Variants in ODAD2 observed in about 807,000 individuals in gnomAD.
ODAD2 encodes the protein outer dynein arm-docking complex subunit 2.
In ODAD2, 89 loss-of-function variants were observed where a neutral mutation model predicts 106.8. The observed-to-expected ratio is 0.83, with a 90% CI of 0.70 to 0.99. The LOEUF (loss-of-function observed/expected upper bound fraction) is 0.99, where lower values mean the gene tolerates loss of function less well. Ranked by LOEUF, ODAD2 falls within the 50% of genes least tolerant of loss-of-function variation. ODAD2 has a pLI of 0.00. For synonymous variants in ODAD2, 404 were observed against 436.2 expected (o/e 0.93, Z 0.92); for missense variants, 1,168 against 1,238.5 (o/e 0.94, Z 0.85).
At chr10:27,869,797 AG>A (rs1263100814) in intron 17 of ODAD2, among the ~76,000 whole-genome samples, 2 of 152,064 alleles carry the variant, frequency 1.3e-5, no homozygotes, top group Non-Finnish European at 2.9e-5. Flanking sequence ...GGCCTCCCAA[AG>A]AGCTAGGATT....
chr10:27,933,926 T>C (rs186555752), intron 16 of ODAD2, among the ~76,000 whole-genome samples: 63 of 152,276 alleles, frequency 4.1e-4, no homozygotes, highest in Non-Finnish European at 7.2e-4. Context: ...AGCCCCCTGA[T>C]AGGATTTTGC....
chr10:27,989,337 G>A (rs1024457174), intron 2 of ODAD2, among the ~76,000 whole-genome samples: 1 of 152,158 alleles, frequency 6.6e-6, no homozygotes, highest in African/African-American at 2.4e-5. Context: ...AAGACATTTA[G>A]TAAACATCTG....
At chr10:27,853,681 A>G (rs1256856647) in intron 19 of ODAD2, among the ~76,000 whole-genome samples, 2 of 152,186 alleles carry the variant, frequency 1.3e-5, no homozygotes, top group African/African-American at 4.8e-5. Context: ...AAGAGCAAAC[A>G]GTTTTTTCAA....
At chr10:27,923,551 A>G (rs1213647830) in intron 16 of ODAD2, among the ~76,000 whole-genome samples, 1 of 152,210 alleles carries the variant, frequency 6.6e-6, no homozygotes. Flanking sequence ...CAGTTACAGC[A>G]TAAGACAGAT....
chr10:27,827,391 A>AC lies in ODAD2; in HGVS notation c.3022-14767_3022-14766insG, dbSNP rs372790241. Among the ~76,000 whole-genome samples the AC allele has an allele frequency of 0.019, 2,761 of 141,874 alleles. 161 individuals carry two copies. The East Asian group carries it at 0.2, about 10-fold the overall frequency. The allele number at this position is 141,874 out of a possible 152,430, so 93.1% of individuals were successfully genotyped here. A position where few individuals can be genotyped will look rare whatever the true frequency, so the allele number is the denominator to read the frequency against. On this transcript the variant is annotated intron_variant, in intron 19 of 19. Coordinates refer to ENST00000305242, the MANE Select transcript of ODAD2 (RefSeq NM_018076.5). Reference sequence around the variant, plus strand: ...ACACACACACACACTATATATATATATATATATATATATATATATATTCCA... The same window carrying AC: ...ACACACACACACACTATATATATATACTATATATATATATATATATATTCCA...
intron 17 of ODAD2, among the ~76,000 whole-genome samples, chr10:27,871,652 G>T (rs1427525785): frequency 1.3e-5 from 2 of 152,152 alleles, no homozygotes; most frequent in Non-Finnish European, 2.9e-5. Flanking sequence ...GTTTGTCAAA[G>T]ATCAGATGGT....
At position 27,899,788 on chromosome 10, in the gene ODAD2, C is replaced by T. The variant is rs143596323; in HGVS notation, c.2610+7875G>A. On this transcript the variant is annotated intron_variant, in intron 17 of 19. Coordinates refer to ENST00000305242, the MANE Select transcript of ODAD2 (RefSeq NM_018076.5). The stretch of plus-strand genomic sequence containing the variant: ...GATTCCTCCTCTCTGGGCAGGGCAT[C>T]TCTGAAAGAAAGGAAGCAGCTCCAG... Among the ~76,000 whole-genome samples, 72 of 152,310 alleles carry T rather than the reference C, an allele frequency of 4.7e-4. No individual in the cohort carries two copies. The East Asian group carries it at 0.012, about 25-fold the overall frequency.
At chr10:27,827,144 G>A (rs192237388) in intron 19 of ODAD2, among the ~76,000 whole-genome samples, 93 of 152,002 alleles carry the variant, frequency 6.1e-4, no homozygotes, top group African/African-American at 2.2e-3. Flanking sequence ...TTTCCTGATT[G>A]TTTGTTAGTA....
At chr10:27,821,178 T>A (rs1836579376) in intron 19 of ODAD2, among the ~76,000 whole-genome samples, 2 of 152,182 alleles carry the variant, frequency 1.3e-5, no homozygotes, top group African/African-American at 4.8e-5. Context: ...CAATCAAGGG[T>A]GTAGAATTGG....
intron 19 of ODAD2, among the ~76,000 whole-genome samples, chr10:27,847,433 A>G (rs4749268): frequency 0.6 from 90,427 of 151,926 alleles, 27,263 homozygotes; most frequent in Middle Eastern, 0.7. Context: ...TCAAAATAAT[A>G]AGAGCTATTT....
intron 4 of ODAD2, among the ~76,000 whole-genome samples, chr10:27,984,666 T>G (rs1317696386): frequency 6.6e-6 from 1 of 152,166 alleles, no homozygotes; most frequent in Non-Finnish European, 1.5e-5. Context: ...GTCTTCAGAA[T>G]TGCATGAAAC....
chr10:27,951,454 G>C (rs1847319383), intron 10 of ODAD2, among the ~76,000 whole-genome samples: 1 of 152,162 alleles, frequency 6.6e-6, no homozygotes, highest in African/African-American at 2.4e-5. Context: ...TCTCACGTGT[G>C]AGACTGCAGA....
chr10:27,838,229 T>A (rs962377961), intron 19 of ODAD2, among the ~76,000 whole-genome samples: 12 of 152,202 alleles, frequency 7.9e-5, no homozygotes, highest in Non-Finnish European at 1.5e-4. Flanking sequence ...AACTACTTAC[T>A]CATGAAGTCT....
intron 17 of ODAD2, among the ~76,000 whole-genome samples, chr10:27,881,481 T>A (rs540987126): frequency 2.0e-5 from 3 of 150,852 alleles, no homozygotes; most frequent in South Asian, 2.1e-4. Context: ...AAAAAAAAAA[T>A]TAAAAATTAA....
chr10:27,849,764 G>GA (rs1360185757), intron 19 of ODAD2, among the ~76,000 whole-genome samples: 1 of 152,126 alleles, frequency 6.6e-6, no homozygotes, highest in South Asian at 2.1e-4. Context: ...AAATAAATGT[G>GA]AAAAAATAGT....
At chr10:27,945,817 A>G (rs1846874775) in intron 10 of ODAD2, among the ~76,000 whole-genome samples, 1 of 152,002 alleles carries the variant, frequency 6.6e-6, no homozygotes, top group African/African-American at 2.4e-5. Flanking sequence ...GCTGGCTGAT[A>G]AGAGTTCTGG....
At chr10:27,906,212 A>ACACTTCT (rs755282563) in intron 17 of ODAD2, among the ~76,000 whole-genome samples, 147 of 152,348 alleles carry the variant, frequency 9.6e-4, no homozygotes, top group Non-Finnish European at 1.9e-3. Flanking sequence ...ATATGAAAAG[A>ACACTTCT]CACTTCTCAA....
intron 19 of ODAD2, among the ~76,000 whole-genome samples, chr10:27,818,081 A>G (rs1285629808): frequency 6.6e-6 from 1 of 151,450 alleles, no homozygotes; most frequent in Non-Finnish European, 1.5e-5. Context: ...ACTCTTCCAC[A>G]TCACTACCAA....
intron 2 of ODAD2, among the ~76,000 whole-genome samples, chr10:27,992,384 CTG>C (rs1205596383): frequency 6.6e-6 from 1 of 152,142 alleles, no homozygotes; most frequent in East Asian, 1.9e-4. Flanking sequence ...GGAGGGAACA[CTG>C]TGCATAAAGA....
Sources: allele counts gnomAD v4.1 joint callset (sites outside exome capture counted in the v4.1 genomes callset), GRCh38; gene constraint gnomAD v4.1.1; transcripts MANE v1.5; gene names NCBI Gene and HGNC (gene_info 2026-07-23, HGNC 2026-07-21).